TMED2: variants seen among roughly 807,000 people sequenced by gnomAD.
TMED2 encodes transmembrane emp24 domain-containing protein 2.
In TMED2, 3 loss-of-function variants were observed where a neutral mutation model predicts 17.5. The ratio of observed to expected loss-of-function variants is 0.17; its 90% CI spans 0.08 to 0.44. The LOEUF (loss-of-function observed/expected upper bound fraction) is 0.44, where lower values mean the gene tolerates loss of function less well. Among genes scored for constraint, TMED2 ranks in the 20% least tolerant of loss-of-function variants. The pLI is 0.99. For synonymous variants in TMED2, 95 were observed against 91.0 expected (o/e 1.04, Z -0.25); for missense variants, 149 against 254.8 (o/e 0.58, Z 2.83).
In TMED2 at chr12:123,596,577, T is replaced by C. The variant is rs1953432489; in HGVS notation, c.482-28T>C. On this transcript the variant is annotated intron_variant, in intron 3 of 3. Coordinates refer to ENST00000262225, the MANE Select transcript of TMED2 (RefSeq NM_006815.4). ...GTCTTTTTGGGGGAGAATTGTTAAATTTTGTTTGTTTGTTTTGTCCTCAAC... is the reference window on the plus strand; with the variant it reads ...GTCTTTTTGGGGGAGAATTGTTAAACTTTGTTTGTTTGTTTTGTCCTCAAC... 3.2e-6 allele frequency: 5 copies of C among 1,577,738 alleles called. No homozygotes were observed. In the East Asian group the frequency reaches 1.1e-4, roughly 36 times the overall value.
chr12:123,596,842 T>C lies in TMED2; in HGVS notation c.*113T>C. 1 of 1,286,788 alleles carries C rather than the reference T, an allele frequency of 7.8e-7. No individual in the cohort carries two copies. The highest frequency in any genetic ancestry group is 1.0e-6 in the Non-Finnish European group (1 of 984,380). 79.7% of individuals were successfully genotyped at this position (1,286,788 alleles called of 1,614,324 possible). On this transcript the variant is annotated 3_prime_UTR_variant, in exon 4 of 4. Coordinates refer to ENST00000262225, the MANE Select transcript of TMED2 (RefSeq NM_006815.4). ...TTTTCTGAACTGTACATTCACAACTTATGTTTCTTTGAGATTAATAGATAT... is the reference window on the plus strand; with the variant it reads ...TTTTCTGAACTGTACATTCACAACTCATGTTTCTTTGAGATTAATAGATAT...
intron 2 of TMED2, among the ~76,000 whole-genome samples, chr12:123,587,354 C>T (rs1953358335): frequency 6.6e-6 from 1 of 152,144 alleles, no homozygotes; most frequent in Non-Finnish European, 1.5e-5. Context: ...TCTCAAACTC[C>T]TGACTTCAGG....
intron 3 of TMED2, among the ~76,000 whole-genome samples, chr12:123,594,714 C>CGGTT: frequency 6.7e-6 from 1 of 149,710 alleles, no homozygotes; most frequent in Middle Eastern, 3.6e-3. Context: ...ATGGAGAAAC[C>CGGTT]GCATCTCTAC....
chr12:123,594,187 T>C (rs1211669927), intron 3 of TMED2, among the ~76,000 whole-genome samples: 1 of 149,840 alleles, frequency 6.7e-6, no homozygotes, highest in South Asian at 2.1e-4. Flanking sequence ...CAGGCAGGAG[T>C]GCAGTGGTGC....
At chr12:123,587,658 C>G (rs1399566233) in intron 2 of TMED2, 2 of 1,268,542 alleles carry the variant, frequency 1.6e-6, no homozygotes, top group Admixed American at 2.5e-5. Context: ...TTGACAGCAT[C>G]CTTTTTGCAT....
chr12:123,586,213 A>G (rs1172556109), intron 1 of TMED2: 3 of 152,258 alleles, frequency 2.0e-5, no homozygotes, highest in African/African-American at 7.2e-5. Context: ...ATAAGACATA[A>G]ATGTCAGGAC....
rs1314661377 is a variant in TMED2 at position 123,597,998 on chromosome 12, G to A, written c.*1269G>A. On this transcript the variant is annotated 3_prime_UTR_variant, in exon 4 of 4. Coordinates refer to ENST00000262225, the MANE Select transcript of TMED2 (RefSeq NM_006815.4). Reference sequence around the variant, plus strand: ...ACTTGCAACAGTTTATTAATGAGGTGACTTTCACCTTAGGACAACTGTTGC... The same window carrying A: ...ACTTGCAACAGTTTATTAATGAGGTAACTTTCACCTTAGGACAACTGTTGC... The A allele has an allele frequency of 6.6e-6, 1 of 152,484 alleles. No homozygotes were observed. Among genetic ancestry groups the A allele is most frequent in the Non-Finnish European group, 1.5e-5 (1 of 68,012 alleles). 9.4% of individuals were successfully genotyped at this position (152,484 alleles called of 1,614,324 possible).
intron 2 of TMED2, 74 bp downstream of exon 2, chr12:123,587,013 G>T: frequency 7.6e-7 from 1 of 1,317,048 alleles, no homozygotes. Flanking sequence ...TTACCTGTCT[G>T]AGTGGAGTAC....
chr12:123,584,631 C>A lies in TMED2; in HGVS notation c.-6C>A. On this transcript the variant is annotated 5_prime_UTR_variant, in exon 1 of 4. Coordinates refer to ENST00000262225, the MANE Select transcript of TMED2 (RefSeq NM_006815.4). ...TCCGGGTCCTGGCTTCGGCCTCAGC[C>A]CCACCATGGTGACGCTTGCTGAACT... The A allele has an allele frequency of 6.2e-7, 1 of 1,609,230 alleles. No individual in the cohort carries two copies. Among genetic ancestry groups the A allele is most frequent in the Non-Finnish European group, 8.5e-7 (1 of 1,179,312 alleles).
At chr12:123,596,575 A>C in intron 3 of TMED2, 30 bp from the exon 4 acceptor site, 3 of 1,578,892 alleles carry the variant, frequency 1.9e-6, no homozygotes, top group Non-Finnish European at 2.6e-6. Flanking sequence ...AGAATTGTTA[A>C]ATTTTGTTTG....
chr12:123,586,197 GGATAAA>G (rs1388399272), intron 1 of TMED2: 1 of 152,096 alleles, frequency 6.6e-6, no homozygotes, highest in Non-Finnish European at 1.5e-5. Context: ...GGTTTAATAA[GGATAAA>G]TAAGACATAA....
At chr12:123,588,386 TTA>T (rs1035851860) in intron 2 of TMED2, among the ~76,000 whole-genome samples, 1 of 152,200 alleles carries the variant, frequency 6.6e-6, no homozygotes, top group African/African-American at 2.4e-5. Flanking sequence ...GTCCTACTAC[TTA>T]GTAATTCCTG....
At chr12:123,596,505 A>G (rs1461601057) in intron 3 of TMED2, 100 bp from the exon 4 acceptor site, 1 of 1,452,000 alleles carries the variant, frequency 6.9e-7, no homozygotes, top group Non-Finnish European at 9.2e-7. Context: ...GGTGTACACA[A>G]TATTACTTTC....
intron 1 of TMED2, 34 bp downstream of exon 1, chr12:123,584,850 C>T (rs370102503): frequency 1.3e-6 from 2 of 1,599,540 alleles, no homozygotes; most frequent in Non-Finnish European, 8.5e-7. Flanking sequence ...GAGGCTTGGT[C>T]GCGTGGCCAC....
chr12:123,596,457 A>G, intron 3 of TMED2, 148 bp from the exon 4 acceptor site: 2 of 1,014,444 alleles, frequency 2.0e-6, no homozygotes, highest in Non-Finnish European at 2.7e-6. Context: ...ATTGGGATGT[A>G]ACCCCATCGT....
intron 2 of TMED2, among the ~76,000 whole-genome samples, chr12:123,587,837 A>G (rs1953363789): frequency 1.3e-5 from 2 of 152,210 alleles, no homozygotes; most frequent in South Asian, 4.1e-4. Context: ...ATTTTAAACT[A>G]ATAGCACTGA....
In TMED2 at chr12:123,594,694, CCTGA is replaced by C. The variant is rs776028386; in HGVS notation, c.482-1908_482-1905del. On this transcript the variant is annotated intron_variant, in intron 3 of 3. Coordinates refer to ENST00000262225, the MANE Select transcript of TMED2 (RefSeq NM_006815.4). ...CCTGAGGTCGGGAGTTCGAGACCAG[CCTGA>C]CTAACATGGAGAAACCGCATCTCTA... is the stretch of plus-strand genomic sequence containing the variant. Among the ~76,000 whole-genome samples the C allele has an allele frequency of 1.5e-3, 218 of 149,782 alleles. 2 individuals carry two copies. Among genetic ancestry groups the C allele is most frequent in the Non-Finnish European group, 3.0e-4 (20 of 67,446 alleles).
At chr12:123,585,120 A>G (rs786447) in intron 1 of TMED2, 165,269 of 299,530 alleles carry the variant, frequency 0.55, 48,777 homozygotes, top group East Asian at 0.89. Flanking sequence ...TTTGTGAATC[A>G]GGCGCCGCGT....
chr12:123,589,190 C>T (rs1043247413), intron 2 of TMED2, among the ~76,000 whole-genome samples: 3 of 152,126 alleles, frequency 2.0e-5, no homozygotes, highest in African/African-American at 4.8e-5. Context: ...AAACTTGTGC[C>T]GCTAAGGGCT....
Sources: allele counts gnomAD v4.1 joint callset (sites outside exome capture counted in the v4.1 genomes callset), GRCh38; gene constraint gnomAD v4.1.1; transcripts MANE v1.5; gene names NCBI Gene and HGNC (gene_info 2026-07-23, HGNC 2026-07-21).